The following FANCI variants were observed in gnomAD, a reference collection of about 807,000 sequenced individuals.
The protein encoded by FANCI is FA complementation group I.
In FANCI, 156 loss-of-function variants were observed where a neutral mutation model predicts 176.1. The ratio of observed to expected loss-of-function variants is 0.89; its 90% CI spans 0.78 to 1.01. The LOEUF (loss-of-function observed/expected upper bound fraction) is 1.01, where lower values mean the gene tolerates loss of function less well. Among genes scored for constraint, FANCI ranks in the 50% least tolerant of loss-of-function variants. The pLI is 0.00. For synonymous variants in FANCI, 613 were observed against 541.7 expected (o/e 1.13, Z -1.83); for missense variants, 1,678 against 1,534.1 (o/e 1.09, Z -1.57).
chr15:89,279,258 C>T (rs1055557013), intron 14 of FANCI, among the ~76,000 whole-genome samples: 2 of 152,086 alleles, frequency 1.3e-5, no homozygotes, highest in Non-Finnish European at 2.9e-5. Flanking sequence ...CCTGGGTTCA[C>T]GCAGTTCTCG....
At position 89,253,793 on chromosome 15, in the gene FANCI, G is replaced by C. The variant is rs1328995601; in HGVS notation, c.85-4911G>C. 5.7e-5 allele frequency among the ~76,000 whole-genome samples: 8 copies of C among 139,430 alleles called. 1 individual carries two copies. Among genetic ancestry groups the C allele is most frequent in the East Asian group, 2.4e-4 (1 of 4,196 alleles). 91.5% of individuals were successfully genotyped at this position (139,430 alleles called of 152,430 possible). A position where few individuals can be genotyped will look rare whatever the true frequency, so the allele number is the denominator to read the frequency against. On this transcript the variant is annotated intron_variant, in intron 2 of 37. Coordinates refer to ENST00000310775, the MANE Select transcript of FANCI (RefSeq NM_001113378.2). ...TAATTCATAAATAACTTGTGGGGGG[G>C]GGGGGGAAGATAAACTGTATTTTAA...
intron 35 of FANCI, among the ~76,000 whole-genome samples, chr15:89,313,872 T>A (rs549249620): frequency 9.3e-4 from 141 of 151,026 alleles, no homozygotes; most frequent in Admixed American, 1.7e-3. Flanking sequence ...TTAAAAAAAA[T>A]TTGTACAGTA....
intron 24 of FANCI, among the ~76,000 whole-genome samples, chr15:89,296,812 C>T (rs933074788): frequency 2.0e-5 from 3 of 146,354 alleles, no homozygotes; most frequent in Non-Finnish European, 4.6e-5. Context: ...GGGGGGCTGA[C>T]CCCCCCACCT....
chr15:89,253,794 G>A (rs925920836), intron 2 of FANCI, among the ~76,000 whole-genome samples: 2 of 138,826 alleles, frequency 1.4e-5, no homozygotes, highest in South Asian at 5.1e-4. Context: ...TGTGGGGGGG[G>A]GGGGGAAGAT....
intron 9 of FANCI, 39 bp downstream of exon 9, chr15:89,264,646 A>G: frequency 6.5e-7 from 1 of 1,540,860 alleles, no homozygotes; most frequent in Non-Finnish European, 9.0e-7. Context: ...CATTTTTACA[A>G]ATTCATCTTC....
intron 20 of FANCI, among the ~76,000 whole-genome samples, chr15:89,292,018 G>A (rs1379736147): frequency 1.3e-5 from 2 of 152,186 alleles, no homozygotes; most frequent in Non-Finnish European, 1.5e-5. Flanking sequence ...GGAGAGGGAT[G>A]ATGTCACCTA....
intron 35 of FANCI, 41 bp downstream of exon 35, chr15:89,313,013 G>A (rs569276011): frequency 1.4e-5 from 22 of 1,583,010 alleles, no homozygotes; most frequent in Non-Finnish European, 1.8e-5. Flanking sequence ...GCTTGTTGGT[G>A]AACCCGAAAA....
chr15:89,250,829 A>T (rs2052215326), intron 2 of FANCI, among the ~76,000 whole-genome samples: 1 of 151,694 alleles, frequency 6.6e-6, no homozygotes, highest in South Asian at 2.1e-4. Flanking sequence ...AAATCCATGG[A>T]ATAATGTTAA....
chr15:89,264,407 A>G, intron 8 of FANCI, 115 bp from the exon 9 acceptor site: 1 of 818,134 alleles, frequency 1.2e-6, no homozygotes, highest in Non-Finnish European at 2.1e-6. Flanking sequence ...TCTAAGTCAT[A>G]GATTATTTAT....
chr15:89,263,654 A>G (rs1048003161), intron 7 of FANCI, among the ~76,000 whole-genome samples, 194 bp downstream of exon 7: 1 of 152,208 alleles, frequency 6.6e-6, no homozygotes, highest in East Asian at 1.9e-4. Context: ...TATTTAAAAC[A>G]TAACTTTATT....
At chr15:89,260,016 C>A (rs1362304837) in intron 3 of FANCI, among the ~76,000 whole-genome samples, 1 of 141,806 alleles carries the variant, frequency 7.1e-6, no homozygotes, top group Non-Finnish European at 1.5e-5. Flanking sequence ...ATTGCCGGAT[C>A]ATGTGGAAAC....
chr15:89,315,246 G>GTA, intron 36 of FANCI, 36 bp from the exon 37 acceptor site: 1 of 1,475,232 alleles, frequency 6.8e-7, no homozygotes, highest in Non-Finnish European at 9.5e-7. Context: ...GGACCTATGA[G>GTA]TAGGGAGATG....
At chr15:89,300,459 A>G (rs2054486185) in intron 26 of FANCI, 74 bp downstream of exon 26, 3 of 1,323,892 alleles carry the variant, frequency 2.3e-6, no homozygotes, top group Non-Finnish European at 3.3e-6. Flanking sequence ...GGCAGCTGGT[A>G]AGAATGGGCA....
intron 13 of FANCI, among the ~76,000 whole-genome samples, chr15:89,277,316 A>C (rs574652345): frequency 8.8e-4 from 68 of 77,432 alleles, no homozygotes; most frequent in Non-Finnish European, 1.8e-3. Context: ...AAAATAAAAC[A>C]AAAAAAGAAT....
chr15:89,285,719 T>A (rs2053789325), intron 18 of FANCI, among the ~76,000 whole-genome samples: 1 of 141,812 alleles, frequency 7.1e-6, no homozygotes, highest in Non-Finnish European at 1.6e-5. Flanking sequence ...TTTGCCAGTC[T>A]TAAGACTAAG....
intron 3 of FANCI, among the ~76,000 whole-genome samples, chr15:89,260,039 C>CTGTT (rs59290198): frequency 0.46 from 70,261 of 151,550 alleles, 17,210 homozygotes; most frequent in African/African-American, 0.64. Flanking sequence ...TTATGTTTAA[C>CTGTT]TGAGAAACCG....
chr15:89,263,998 T>C lies in FANCI; in HGVS notation c.641T>C (p.Val214Ala), dbSNP rs777436567. Residue 214 changes from valine (V) to alanine (A), a missense_variant, in exon 8 of 38, where the codon GTC (valine) becomes GCC (alanine). By Grantham distance (64) the Val-to-Ala change is moderately conservative (BLOSUM62 0). Transcript: ENST00000310775. Reference protein sequence around the residue: ...KMNLQEIPPLVYQLLVLSSKG... With the variant: ...KMNLQEIPPLAYQLLVLSSKG... ...AATCTTCAAGAAATACCACCTTTGG[T>C]CTATCAGCTTCTGGTTCTCTCCTCC... 1 of 1,614,094 alleles carries C rather than the reference T, an allele frequency of 6.2e-7. No individual in the cohort carries two copies. Among genetic ancestry groups the C allele is most frequent in the South Asian group, 1.1e-5 (1 of 91,082 alleles).
chr15:89,284,345 A>G (rs1393656442), intron 17 of FANCI, among the ~76,000 whole-genome samples: 5 of 152,254 alleles, frequency 3.3e-5, no homozygotes, highest in African/African-American at 1.2e-4. Flanking sequence ...AGACATTTAT[A>G]TATAACAGTT....
chr15:89,278,862 A>G lies in FANCI; in HGVS notation c.1381+88A>G, dbSNP rs370003594. 1.2e-5 allele frequency: 12 copies of G among 993,096 alleles called. No individual in the cohort carries two copies. In the African/African-American group the frequency reaches 1.3e-4, roughly 11 times the overall value. 61.5% of individuals were successfully genotyped at this position (993,096 alleles called of 1,614,324 possible). A position where few individuals can be genotyped will look rare whatever the true frequency, so the allele number is the denominator to read the frequency against. ...ATTTGGTCCTGGGAAAAAAATTTTA[A>G]TGAGCATTTAAATGCAGTATCTTTG... On this transcript the variant is annotated intron_variant, in intron 14 of 37. Transcript: ENST00000310775.
Sources: allele counts gnomAD v4.1 joint callset (sites outside exome capture counted in the v4.1 genomes callset), GRCh38; gene constraint gnomAD v4.1.1; transcripts MANE v1.5; gene names NCBI Gene and HGNC (gene_info 2026-07-23, HGNC 2026-07-21).